ABCC12: variants seen among roughly 807,000 people sequenced by gnomAD.
ABCC12 encodes the protein ATP-binding cassette sub-family C member 12.
In ABCC12, 142 loss-of-function variants were observed where a neutral mutation model predicts 151.1. That is an observed-to-expected ratio of 0.94 (90% CI 0.82 to 1.08). The LOEUF (loss-of-function observed/expected upper bound fraction) is 1.08. ABCC12 is among the 50% of genes least tolerant of loss of function. ABCC12 has a pLI of 0.00. For synonymous variants in ABCC12, 645 were observed against 646.4 expected (o/e 1.00, Z 0.03); for missense variants, 1,638 against 1,691.1 (o/e 0.97, Z 0.55).
rs1567442888 is a variant in ABCC12 at position 48,086,737 on chromosome 16, C to T, written c.3714+4G>A. 2.5e-6 allele frequency: 4 copies of T among 1,609,888 alleles called. No homozygotes were observed. The highest frequency in any genetic ancestry group is 3.4e-6 in the Non-Finnish European group (4 of 1,176,292). ...ACTCCTCCTCAACAGCCCCAGAGACCTACTGTGTCTCTCATGAATGTTCTC... is the reference window on the plus strand; with the variant it reads ...ACTCCTCCTCAACAGCCCCAGAGACTTACTGTGTCTCTCATGAATGTTCTC... On this transcript the variant is annotated splice_donor_region_variant and intron_variant, in intron 28 of 30. Coordinates refer to ENST00000311303, the MANE Select transcript of ABCC12 (RefSeq NM_001393797.1).
Position 48,116,272 on chromosome 16 carries a change from C to T in ABCC12, c.1786-654G>A, listed in dbSNP as rs191003480. 3.9e-5 allele frequency among the ~76,000 whole-genome samples: 6 copies of T among 152,236 alleles called. No homozygotes were observed. The East Asian group carries it at 7.7e-4, about 20-fold the overall frequency. The stretch of plus-strand genomic sequence containing the variant: ...GTTCAGCCAGATGTTGAGTTAGGCA[C>T]GGGGCGGGACACACAAGCTGGACAA... On this transcript the variant is annotated intron_variant, in intron 14 of 30. Transcript: ENST00000311303.
intron 6 of ABCC12, among the ~76,000 whole-genome samples, chr16:48,139,783 A>G (rs1201459203): frequency 6.6e-6 from 1 of 152,198 alleles, no homozygotes; most frequent in Non-Finnish European, 1.5e-5. Context: ...AGAATGGGAC[A>G]TTTGTGATGA....
chr16:48,126,902 G>A (rs1964257089), intron 11 of ABCC12, among the ~76,000 whole-genome samples: 1 of 152,198 alleles, frequency 6.6e-6, no homozygotes, highest in Non-Finnish European at 1.5e-5. Flanking sequence ...CAAAGCCATT[G>A]CGTGGCCAGA....
chr16:48,134,272 AG>A (rs999016708), intron 8 of ABCC12, among the ~76,000 whole-genome samples: 17 of 152,336 alleles, frequency 1.1e-4, no homozygotes, highest in African/African-American at 4.1e-4. Flanking sequence ...GACCTCTCCT[AG>A]GAGCCTGCTC....
At chr16:48,120,648 C>T (rs975445816) in intron 13 of ABCC12, among the ~76,000 whole-genome samples, 6 of 151,718 alleles carry the variant, frequency 4.0e-5, no homozygotes, top group South Asian at 2.1e-4. Flanking sequence ...CTCCACCTCC[C>T]GGGTTCAAGC....
chr16:48,104,082 C>T, intron 22 of ABCC12, 60 bp downstream of exon 22: 1 of 1,534,478 alleles, frequency 6.5e-7, no homozygotes, highest in Non-Finnish European at 8.9e-7. Context: ...TCAATATCAC[C>T]TGATACCCAG....
At chr16:48,152,105 C>T (rs2150687249) in intron 2 of ABCC12, among the ~76,000 whole-genome samples, 1 of 152,264 alleles carries the variant, frequency 6.6e-6, no homozygotes, top group African/African-American at 2.4e-5. Context: ...TCCTTGGATC[C>T]TTTTCCACAA....
intron 18 of ABCC12, 35 bp from the exon 19 acceptor site, chr16:48,108,564 C>A (rs569809915): frequency 6.3e-7 from 1 of 1,597,868 alleles, no homozygotes; most frequent in East Asian, 2.2e-5. Flanking sequence ...TGGCTCTCAC[C>A]ACTGGGGTGG....
intron 24 of ABCC12, among the ~76,000 whole-genome samples, chr16:48,093,554 A>G (rs1208352660): frequency 6.6e-6 from 1 of 152,060 alleles, no homozygotes; most frequent in Non-Finnish European, 1.5e-5. Context: ...TGAGCTTCTC[A>G]TCTATTTACT....
At chr16:48,113,856 T>C (rs2037704683) in intron 15 of ABCC12, among the ~76,000 whole-genome samples, 1 of 152,168 alleles carries the variant, frequency 6.6e-6, no homozygotes, top group East Asian at 1.9e-4. Flanking sequence ...TGAGGACTCC[T>C]GGAGGGACAG....
chr16:48,096,570 C>T (rs1963102176), intron 24 of ABCC12, among the ~76,000 whole-genome samples, 176 bp downstream of exon 24: 1 of 152,240 alleles, frequency 6.6e-6, no homozygotes, highest in African/African-American at 2.4e-5. Flanking sequence ...CATGATCCCA[C>T]TGTGCCTGAA....
At position 48,088,743 on chromosome 16, in the gene ABCC12, G is replaced by C. The variant is rs372406947; in HGVS notation, c.3286-9C>G. 1 of 1,600,436 alleles carries C rather than the reference G, an allele frequency of 6.2e-7. No homozygotes were observed. Among genetic ancestry groups the C allele is most frequent in the African/African-American group, 1.3e-5 (1 of 74,358 alleles). On this transcript the variant is annotated splice_polypyrimidine_tract_variant and intron_variant, in intron 25 of 30. Coordinates refer to ENST00000311303, the MANE Select transcript of ABCC12 (RefSeq NM_001393797.1). ...CATTCAGGAACACAGGTCTGTAAAGGAGAATAACCAATGACCAGTGACTAG... is the reference window on the plus strand; with the variant it reads ...CATTCAGGAACACAGGTCTGTAAAGCAGAATAACCAATGACCAGTGACTAG...
At position 48,085,604 on chromosome 16, in the gene ABCC12, G is replaced by A. The variant is rs570523583; in HGVS notation, c.3817C>T (p.Arg1273Cys). The change falls in exon 29 of 31, where the codon CGT becomes TGT. Residue 1273 changes from arginine to cysteine, a missense_variant. Physicochemically the swap from Arg to Cys is radical, Grantham distance 180 (BLOSUM62 -3). Transcript: ENST00000311303. ...CCGTGTTTTCTTACCTTTGAATTAC[G>A]GAGAAGAGCTCGGGCCACACAAAGC... ...QLLCVARALL[R>C]NSKIILLDEA... The A allele has an allele frequency of 2.4e-5, 39 of 1,613,826 alleles. No homozygotes were observed. The highest frequency in any genetic ancestry group is 2.0e-4 in the East Asian group (9 of 44,882).
In ABCC12 at chr16:48,086,772, T is replaced by G; in HGVS notation, c.3683A>C (p.Gln1228Pro). ...TCTCATGAATGTTCTCTCCAGAACC[T>G]GCCAGAGCATCTCATCGGTGTGACT... ...FESHTDEMLW[Q>P]VLERTFMRDT... Residue 1228 changes from glutamine to proline, a missense_variant, in exon 28 of 31, where the codon CAG becomes CCG. Physicochemically the swap from Gln to Pro is moderately conservative, Grantham distance 76. Transcript: ENST00000311303. 6.2e-7 allele frequency: 1 copy of G among 1,614,010 alleles called. No individual in the cohort carries two copies. Among genetic ancestry groups the G allele is most frequent in the East Asian group, 2.2e-5 (1 of 44,872 alleles).
chr16:48,096,705 C>T (rs199935431), intron 24 of ABCC12, 41 bp downstream of exon 24: 36 of 1,605,730 alleles, frequency 2.2e-5, no homozygotes, highest in South Asian at 1.9e-4. Flanking sequence ...TATTACAGGC[C>T]GGAGCCTCCA....
chr16:48,150,061 C>T (rs187158453), intron 2 of ABCC12, among the ~76,000 whole-genome samples: 1 of 152,296 alleles, frequency 6.6e-6, no homozygotes, highest in East Asian at 1.9e-4. Flanking sequence ...CTAACATAGG[C>T]AGCAATTATC....
At chr16:48,088,943 C>T (rs142863018) in intron 25 of ABCC12, among the ~76,000 whole-genome samples, 24 of 152,198 alleles carry the variant, frequency 1.6e-4, no homozygotes, top group African/African-American at 5.5e-4. Context: ...GACAATAAAA[C>T]AGAATATTGC....
intron 15 of ABCC12, among the ~76,000 whole-genome samples, chr16:48,113,508 A>G (rs1431862499): frequency 6.6e-6 from 1 of 152,190 alleles, no homozygotes; most frequent in Non-Finnish European, 1.5e-5. Context: ...GTTGGATTTC[A>G]GTGGTTTCCT....
intron 2 of ABCC12, among the ~76,000 whole-genome samples, chr16:48,147,331 T>A (rs1596632953): frequency 6.6e-6 from 1 of 152,320 alleles, no homozygotes; most frequent in East Asian, 1.9e-4. Flanking sequence ...TAGGGTCCCA[T>A]GACAGCCACT....
Sources: allele counts gnomAD v4.1 joint callset (sites outside exome capture counted in the v4.1 genomes callset), GRCh38; gene constraint gnomAD v4.1.1; transcripts MANE v1.5; gene names NCBI Gene and HGNC (gene_info 2026-07-23, HGNC 2026-07-21).